Variants in CRYBB2 observed in about 807,000 individuals in gnomAD.
CRYBB2 encodes beta-crystallin B2.
Under a neutral mutation model 24.3 loss-of-function variants are expected in CRYBB2, and 12 were observed. The ratio of observed to expected loss-of-function variants is 0.49; its 90% CI spans 0.32 to 0.80. The LOEUF (loss-of-function observed/expected upper bound fraction) is 0.80, where lower values mean the gene tolerates loss of function less well. Among genes scored for constraint, CRYBB2 ranks in the 30% least tolerant of loss-of-function variants. The pLI, the probability that CRYBB2 is intolerant of heterozygous loss-of-function variation, is 0.04. For missense variants in CRYBB2, 198 were observed against 268.5 expected (o/e 0.74, Z 1.83); for synonymous variants, 98 against 101.6 (o/e 0.96, Z 0.21).
upstream of CRYBB2, among the ~76,000 whole-genome samples, chr22:25,218,779 G>GAGAAGAAAGAAAGAAAGA (rs1935251085): frequency 2.9e-5 from 1 of 34,524 alleles, no homozygotes. Context: ...GAGAGAGAGA[G>GAGAAGAAAGAAAGAAAGA]AAGAAAGAAA....
chr22:25,213,191 G>A lies in CRYBB2; in HGVS notation c.-27+351G>A, dbSNP rs370499906. ...AAAAGGGCTGTTACAAAAAATTGTC[G>A]TAAGAAGGGAGTGTTGTTTCTGATA... is the stretch of plus-strand genomic sequence containing the variant. On this transcript the variant is annotated intron_variant, in intron 1 of 5. Transcript: ENST00000651629. 1.2e-4 allele frequency: 18 copies of A among 152,246 alleles called. No homozygotes were observed. The East Asian group carries it at 2.3e-3, about 20-fold the overall frequency. 9.4% of individuals were successfully genotyped at this position (152,246 alleles called of 1,614,324 possible). A position where few individuals can be genotyped will look rare whatever the true frequency, so the allele number is the denominator to read the frequency against.
At chr22:25,220,089 C>A (rs1309034530) in intron 1 of CRYBB2, among the ~76,000 whole-genome samples, 1 of 152,068 alleles carries the variant, frequency 6.6e-6, no homozygotes, top group South Asian at 2.1e-4. Context: ...TGCCTAGCCT[C>A]TGGGAGTGCT....
Position 25,230,158 on chromosome 22 carries a change from T to C in CRYBB2, c.449+580T>C, listed in dbSNP as rs934443988. 3.6e-4 allele frequency among the ~76,000 whole-genome samples: 55 copies of C among 151,050 alleles called. 1 individual carries two copies. Among genetic ancestry groups the C allele is most frequent in the Non-Finnish European group, 2.5e-4 (17 of 67,710 alleles). On this transcript the variant is annotated intron_variant, in intron 5 of 5. Transcript: ENST00000398215. ...GCTTATACCAGCTTGTAAGAACTTT[T>C]TTTTTTTTTTTTAATTGAGACGGAG... is the stretch of plus-strand genomic sequence containing the variant.
chr22:25,229,132 T>A lies in CRYBB2; in HGVS notation c.307-304T>A, dbSNP rs8140930. Among the ~76,000 whole-genome samples, 11,007 of 152,248 alleles carry A rather than the reference T, an allele frequency of 0.072. 897 individuals carry two copies. Among genetic ancestry groups the A allele is most frequent in the African/African-American group, 0.19 (8,076 of 41,528 alleles). On this transcript the variant is annotated intron_variant, in intron 4 of 5. Transcript: ENST00000398215. ...GTGTGCATGTGTGGGTGTTCACATGTGGGTGGGTAGGTATATCGTAGCCAC... is the reference window on the plus strand; with the variant it reads ...GTGTGCATGTGTGGGTGTTCACATGAGGGTGGGTAGGTATATCGTAGCCAC...
upstream of CRYBB2, among the ~76,000 whole-genome samples, chr22:25,218,771 G>A (rs1424619757): frequency 0.018 from 321 of 17,540 alleles, 9 homozygotes; most frequent in Middle Eastern, 0.043. Context: ...GAGAGAGAGA[G>A]AGAGAGAGAA....
upstream of CRYBB2, among the ~76,000 whole-genome samples, chr22:25,217,411 G>C (rs1251848096): frequency 2.0e-5 from 3 of 152,200 alleles, no homozygotes; most frequent in Non-Finnish European, 4.4e-5. Flanking sequence ...TCTGCCTCGT[G>C]GGTTCAAGTG....
chr22:25,231,085 G>A (rs1219625725), intron 5 of CRYBB2, among the ~76,000 whole-genome samples: 1 of 152,178 alleles, frequency 6.6e-6, no homozygotes, highest in African/African-American at 2.4e-5. Flanking sequence ...CACAGAAACT[G>A]GCCAGGCAGG....
At chr22:25,213,319 A>G (rs1027935789) in intron 1 of CRYBB2, 1 of 152,156 alleles carries the variant, frequency 6.6e-6, no homozygotes, top group African/African-American at 2.4e-5. Flanking sequence ...ACCAAGACCT[A>G]TTCTCCTCGT....
At chr22:25,219,719 G>A (rs776028282) in intron 1 of CRYBB2, 53 bp downstream of exon 1, 1 of 152,178 alleles carries the variant, frequency 6.6e-6, no homozygotes, top group African/African-American at 2.4e-5. Context: ...CCTCACCCCT[G>A]TCCGCAAGCA....
At chr22:25,229,025 T>TGC (rs1200646743) in intron 4 of CRYBB2, among the ~76,000 whole-genome samples, 5 of 146,784 alleles carry the variant, frequency 3.4e-5, no homozygotes, top group African/African-American at 1.3e-4. Flanking sequence ...GGTGTGCACG[T>TGC]GTGTGCGTGC....
Position 25,225,394 on chromosome 22 carries a change from G to A in CRYBB2, c.173+358G>A, listed in dbSNP as rs1294114728. Among the ~76,000 whole-genome samples the A allele has an allele frequency of 3.3e-5, 5 of 152,160 alleles. No homozygotes were observed. The East Asian group carries it at 7.7e-4, about 23-fold the overall frequency. ...CAGGAAGATGGACATAGTGACTGAT[G>A]AAGCTTTTAGAACTGCCAATCTCTG... On this transcript the variant is annotated intron_variant, in intron 3 of 5. Coordinates refer to ENST00000398215, the MANE Select transcript of CRYBB2 (RefSeq NM_000496.3).
intron 3 of CRYBB2, among the ~76,000 whole-genome samples, chr22:25,226,044 A>T (rs1199523701): frequency 2.6e-5 from 4 of 152,122 alleles, no homozygotes; most frequent in Non-Finnish European, 5.9e-5. Flanking sequence ...AACATTTAGT[A>T]TTTTTATTAA....
At chr22:25,225,635 G>T (rs1173489932) in intron 3 of CRYBB2, among the ~76,000 whole-genome samples, 1 of 152,176 alleles carries the variant, frequency 6.6e-6, no homozygotes, top group East Asian at 1.9e-4. Context: ...TGCAGAGTCT[G>T]GGACACAAAA....
intron 3 of CRYBB2, among the ~76,000 whole-genome samples, chr22:25,225,654 T>C (rs1158583437): frequency 6.6e-6 from 1 of 152,190 alleles, no homozygotes; most frequent in African/African-American, 2.4e-5. Flanking sequence ...AACCACAGTT[T>C]CTCTCGTCAC....
intron 5 of CRYBB2, among the ~76,000 whole-genome samples, chr22:25,231,327 CAGTACAGTACAG>C (rs1935527684): frequency 2.8e-4 from 1 of 3,570 alleles, no homozygotes; most frequent in African/African-American, 2.5e-3. Context: ...GACCCCAGTA[CAGTACAGTACAG>C]TACAGTACAG....
Position 25,227,990 on chromosome 22 carries a change from GC to G in CRYBB2, c.306+10del, listed in dbSNP as rs1935453017. 2 of 1,613,946 alleles carry G rather than the reference GC, an allele frequency of 1.2e-6. No homozygotes were observed. The highest frequency in any genetic ancestry group is 1.7e-6 in the Non-Finnish European group (2 of 1,180,026). On this transcript the variant is annotated splice_donor_region_variant and intron_variant, in intron 4 of 5. Coordinates refer to ENST00000398215, the MANE Select transcript of CRYBB2 (RefSeq NM_000496.3). ...TCCCTGAGGCCCATCAAAGTGGTGA[GC>G]CCCCTGCCATCACCCTACTCCCTCT... is the stretch of plus-strand genomic sequence containing the variant.
intron 4 of CRYBB2, among the ~76,000 whole-genome samples, chr22:25,229,108 TG>T (rs1935485835): frequency 6.6e-6 from 1 of 152,118 alleles, no homozygotes; most frequent in Non-Finnish European, 1.5e-5. Context: ...TGTGTGTGTG[TG>T]TGCATGTGTG....
intron 3 of CRYBB2, among the ~76,000 whole-genome samples, chr22:25,226,489 G>T (rs1242911287): frequency 6.6e-6 from 1 of 152,112 alleles, no homozygotes; most frequent in Non-Finnish European, 1.5e-5. Context: ...AATTACATTT[G>T]AGAACCCACA....
chr22:25,219,158 G>A (rs1002258636), upstream of CRYBB2, among the ~76,000 whole-genome samples: 3 of 152,136 alleles, frequency 2.0e-5, no homozygotes, highest in African/African-American at 7.2e-5. Context: ...GCCTGGGCTG[G>A]CGTAGGTCCT....
Sources: gnomAD v4.1 joint callset for allele counts (sites outside exome capture counted in the v4.1 genomes callset) on GRCh38, gnomAD v4.1.1 for gene constraint, MANE v1.5 for transcripts, NCBI Gene and HGNC (gene_info 2026-07-23, HGNC 2026-07-21) for gene names.